Variants in THEM4 observed in about 807,000 individuals in gnomAD.
THEM4 encodes the protein acyl-coenzyme A thioesterase THEM4.
In THEM4, 22 loss-of-function variants were observed where a neutral mutation model predicts 25.0. That is an observed-to-expected ratio of 0.88 (90% confidence interval 0.63 to 1.26). THEM4 has a LOEUF of 1.26. Among genes scored for constraint, THEM4 ranks in the 50% most tolerant of loss-of-function variants. The probability of loss-of-function intolerance (pLI) is 0.00; values close to 1 mark genes in which losing one functional copy is unlikely to be tolerated. For missense variants in THEM4, 286 were observed against 300.3 expected (o/e 0.95, Z 0.35); for synonymous variants, 113 against 105.6 (o/e 1.07, Z -0.43).
intron 4 of THEM4, among the ~76,000 whole-genome samples, chr1:151,879,975 T>C (rs1020970477): frequency 5.9e-5 from 9 of 152,042 alleles, no homozygotes; most frequent in African/African-American, 2.2e-4. Flanking sequence ...CATTTTCTAA[T>C]TGTTTTTTCT....
chr1:151,876,898 C>T (rs1394764203), intron 5 of THEM4, 103 bp downstream of exon 5: 7 of 1,415,170 alleles, frequency 4.9e-6, no homozygotes, highest in Non-Finnish European at 6.6e-6. Flanking sequence ...CCAAAACACC[C>T]CCCTGACCCC....
rs548011195 is a variant in THEM4, at chr1:151,880,607, T to C, written c.558-3482A>G. 7.5e-4 allele frequency among the ~76,000 whole-genome samples: 114 copies of C among 152,326 alleles called. 1 individual carries two copies. The highest frequency in any genetic ancestry group is 2.6e-3 in the African/African-American group (107 of 41,568). On this transcript the variant is annotated intron_variant, in intron 4 of 5. Transcript: ENST00000368814. ...AGACGCATATTGATTTAGTTATTAT[T>C]ACCTACTATTGAACTGAATCTTTTA... is the stretch of plus-strand genomic sequence containing the variant.
At chr1:151,906,855 T>C (rs1654480818) in intron 1 of THEM4, among the ~76,000 whole-genome samples, 1 of 152,032 alleles carries the variant, frequency 6.6e-6, no homozygotes, top group African/African-American at 2.4e-5. Flanking sequence ...AGCTCAGGGA[T>C]TGTAAATGCA....
intron 1 of THEM4, among the ~76,000 whole-genome samples, chr1:151,902,791 C>T (rs1311282105): frequency 1.3e-5 from 2 of 152,118 alleles, no homozygotes; most frequent in Admixed American, 6.5e-5. Context: ...AGTTTGAGAC[C>T]AGCCTGGCCA....
chr1:151,894,538 T>C (rs1473319405), intron 2 of THEM4, among the ~76,000 whole-genome samples: 3 of 152,144 alleles, frequency 2.0e-5, no homozygotes, highest in Non-Finnish European at 4.4e-5. Flanking sequence ...AAAAGTATAT[T>C]AGTAAAAAAA....
intron 4 of THEM4, among the ~76,000 whole-genome samples, chr1:151,883,903 C>T (rs1254595797): frequency 6.6e-6 from 1 of 151,822 alleles, no homozygotes; most frequent in Non-Finnish European, 1.5e-5. Context: ...GGTGAAACCT[C>T]GTCTCTACTA....
chr1:151,894,012 A>T (rs1026985234), intron 2 of THEM4, among the ~76,000 whole-genome samples: 15 of 152,258 alleles, frequency 9.9e-5, no homozygotes, highest in African/African-American at 3.6e-4. Flanking sequence ...GGTCCCCGCC[A>T]CGAGGCCCAA....
At chr1:151,878,891 T>TACACACACACACAC (rs55900104) in intron 4 of THEM4, among the ~76,000 whole-genome samples, 72 of 138,640 alleles carry the variant, frequency 5.2e-4, no homozygotes, top group African/African-American at 1.8e-3. Context: ...TATATGTCTA[T>TACACACACACACAC]ACACACACAC....
chr1:151,883,120 T>TTATTTATTTATC (rs1653884059), intron 4 of THEM4, among the ~76,000 whole-genome samples: 1 of 150,746 alleles, frequency 6.6e-6, no homozygotes. Flanking sequence ...ATTTATTTAT[T>TTATTTATTTATC]TATTTATTTA....
intron 4 of THEM4, among the ~76,000 whole-genome samples, chr1:151,886,983 C>G (rs140209635): frequency 6.6e-6 from 1 of 152,302 alleles, no homozygotes; most frequent in African/African-American, 2.4e-5. Flanking sequence ...TTACAAATGA[C>G]ATGACTTTGT....
chr1:151,899,381 CT>C (rs1654299495), intron 1 of THEM4, among the ~76,000 whole-genome samples: 1 of 151,614 alleles, frequency 6.6e-6, no homozygotes, highest in Non-Finnish European at 1.5e-5. Context: ...GTTCCAGCTA[CT>C]CGGGAGGCTG....
At chr1:151,893,743 G>C (rs1289032194) in intron 2 of THEM4, among the ~76,000 whole-genome samples, 1 of 152,162 alleles carries the variant, frequency 6.6e-6, no homozygotes, top group Non-Finnish European at 1.5e-5. Flanking sequence ...GAAAGTATTA[G>C]AGGCATAAGA....
chr1:151,889,464 T>C lies in THEM4; in HGVS notation c.287-91A>G, dbSNP rs777391907. ...GCACCTGTACCCTGCTAGAATCACA[T>C]GTCAATAGATGATTGATTCAAATGT... On this transcript the variant is annotated intron_variant, in intron 2 of 5. Coordinates refer to ENST00000368814, the MANE Select transcript of THEM4 (RefSeq NM_053055.5). 1.6e-5 allele frequency: 20 copies of C among 1,275,382 alleles called. No individual in the cohort carries two copies. In the East Asian group the frequency reaches 3.3e-4, roughly 21 times the overall value. 79.0% of individuals were successfully genotyped at this position (1,275,382 alleles called of 1,614,324 possible).
At position 151,877,059 on chromosome 1, in the gene THEM4, A is replaced by T. The variant is rs1653699400; in HGVS notation, c.624T>A (p.Phe208Leu). The T allele has an allele frequency of 1.2e-6, 2 of 1,613,816 alleles. No homozygotes were observed. Among genetic ancestry groups the T allele is most frequent in the Non-Finnish European group, 8.5e-7 (1 of 1,179,824 alleles). The change falls in exon 5 of 6, where the codon TTT becomes TTA. Residue 208 changes from phenylalanine (F) to leucine (L), a missense_variant. Transcript: ENST00000368814. ...SQLDKVEGRKFFVSCNVQSVD... is the reference protein window; with the variant it reads ...SQLDKVEGRKLFVSCNVQSVD... ...CACTCTGAACATTACAGGAAACAAA[A>T]AATTTCCTTCCTTCAACTTTATCAA... is the stretch of plus-strand genomic sequence containing the variant.
At chr1:151,893,083 A>T (rs1465883781) in intron 2 of THEM4, among the ~76,000 whole-genome samples, 1 of 152,286 alleles carries the variant, frequency 6.6e-6, no homozygotes, top group African/African-American at 2.4e-5. Flanking sequence ...GAGTGGGTTC[A>T]AGATAGGCTG....
In THEM4 at chr1:151,909,326, C is replaced by T. The variant is rs913460231; in HGVS notation, c.99+34G>A. 5 of 1,498,154 alleles carry T rather than the reference C, an allele frequency of 3.3e-6. No individual in the cohort carries two copies. In the African/African-American group the frequency reaches 4.3e-5, roughly 13 times the overall value. The allele number at this position is 1,498,154 out of a possible 1,614,324, so 92.8% of individuals were successfully genotyped here. On this transcript the variant is annotated intron_variant, in intron 1 of 5. Coordinates refer to ENST00000368814, the MANE Select transcript of THEM4 (RefSeq NM_053055.5). ...ACCGCAGGCGTGTTTCTGAGTCCTGCTCCCGCCCCATGCCCGAGGGTGCCC... is the reference window on the plus strand; with the variant it reads ...ACCGCAGGCGTGTTTCTGAGTCCTGTTCCCGCCCCATGCCCGAGGGTGCCC...
At chr1:151,876,327 A>T (rs894082809) in intron 5 of THEM4, among the ~76,000 whole-genome samples, 2 of 152,208 alleles carry the variant, frequency 1.3e-5, no homozygotes, top group African/African-American at 4.8e-5. Flanking sequence ...TATTGCAAAT[A>T]ATGTTGCATG....
intron 4 of THEM4, among the ~76,000 whole-genome samples, chr1:151,882,665 T>C (rs193265496): frequency 6.6e-6 from 1 of 152,320 alleles, no homozygotes; most frequent in Non-Finnish European, 1.5e-5. Context: ...GATGTATTTA[T>C]GGGATATATC....
intron 4 of THEM4, among the ~76,000 whole-genome samples, chr1:151,878,396 G>A (rs768270448): frequency 9.9e-5 from 15 of 152,194 alleles, no homozygotes; most frequent in Admixed American, 3.9e-4. Flanking sequence ...TCTCTGAGGC[G>A]CTAGGCTTAC....
Sources: gnomAD v4.1 joint callset for allele counts (sites outside exome capture counted in the v4.1 genomes callset) on GRCh38, gnomAD v4.1.1 for gene constraint, MANE v1.5 for transcripts, NCBI Gene and HGNC (gene_info 2026-07-23, HGNC 2026-07-21) for gene names.